Variants in PPP4R1 observed in about 807,000 individuals in gnomAD.
PPP4R1 encodes serine/threonine-protein phosphatase 4 regulatory subunit 1.
Under a neutral mutation model 111.2 loss-of-function variants are expected in PPP4R1, and 42 were observed. The ratio of observed to expected loss-of-function variants is 0.38; its 90% CI spans 0.29 to 0.49. The LOEUF is 0.49. Ranked by LOEUF, PPP4R1 falls within the 20% of genes least tolerant of loss-of-function variation. The probability of loss-of-function intolerance (pLI) is 0.97; values close to 1 mark genes in which losing one functional copy is unlikely to be tolerated. For synonymous variants in PPP4R1, 409 were observed against 405.5 expected, an observed-to-expected ratio of 1.01 and a Z score of -0.10; for missense variants, 1,012 against 1,161.6, an observed-to-expected ratio of 0.87 and a Z score of 1.87.
At chr18:9,564,161 C>T (rs1321466807) in intron 11 of PPP4R1, among the ~76,000 whole-genome samples, 1 of 152,202 alleles carries the variant, frequency 6.6e-6, no homozygotes, top group Non-Finnish European at 1.5e-5. Flanking sequence ...AATCTGGCAA[C>T]TAGCATTGCC....
In PPP4R1 at chr18:9,588,236, C is replaced by G; in HGVS notation, c.439-1G>C. On this transcript the variant is annotated splice_acceptor_variant, in intron 5 of 19. Transcript: ENST00000400556. LOFTEE classifies it high-confidence loss of function. ...AAGCTGCCTGACTTGTTTTCCTCAC[C>G]TAGGAGAAAAATAACAACACAAAGA... 1 of 1,611,992 alleles carries G rather than the reference C, an allele frequency of 6.2e-7. No individual in the cohort carries two copies. Among genetic ancestry groups the G allele is most frequent in the East Asian group, 2.2e-5 (1 of 44,862 alleles).
At position 9,595,146 on chromosome 18, in the gene PPP4R1, C is replaced by T. The variant is rs746130013; in HGVS notation, c.60G>A (p.Val20=). ...CATCAGACTCTGAGCTGTAGTCATC[C>T]ACACCAACTATCAGAGACATCAGAA... ...DLQEDADGFG[V]DDYSSESDVI... is the part of the protein sequence containing the mutation. The change falls in exon 3 of 20, where the codon GTG becomes GTA. Residue 20 remains valine, a synonymous_variant. Coordinates refer to ENST00000400556, the MANE Select transcript of PPP4R1 (RefSeq NM_001042388.3). 26 of 1,613,490 alleles carry T rather than the reference C, an allele frequency of 1.6e-5. No individual in the cohort carries two copies. Among genetic ancestry groups the T allele is most frequent in the Non-Finnish European group, 2.2e-5 (26 of 1,179,732 alleles).
In PPP4R1 at chr18:9,577,207, G is replaced by T; in HGVS notation, c.919-16C>A. The T allele has an allele frequency of 6.3e-7, 1 of 1,590,720 alleles. No homozygotes were observed. Among genetic ancestry groups the T allele is most frequent in the South Asian group, 1.2e-5 (1 of 86,502 alleles). On this transcript the variant is annotated splice_polypyrimidine_tract_variant and intron_variant, in intron 9 of 19. Transcript: ENST00000400556. Reference sequence around the variant, plus strand: ...CTTGGCGAACCTAGGAAGATAAAAAGGACAATAATAAAGGAATCATTTTGA... The same window carrying T: ...CTTGGCGAACCTAGGAAGATAAAAATGACAATAATAAAGGAATCATTTTGA...
chr18:9,583,377 T>C (rs2067063470), intron 8 of PPP4R1, 102 bp from the exon 9 acceptor site: 1 of 1,229,648 alleles, frequency 8.1e-7, no homozygotes, highest in Non-Finnish European at 1.1e-6. Flanking sequence ...TGTTTGTTTG[T>C]TTGTTTTGAG....
intron 11 of PPP4R1, among the ~76,000 whole-genome samples, chr18:9,566,762 G>A (rs1284660874): frequency 6.6e-6 from 1 of 152,050 alleles, no homozygotes; most frequent in Middle Eastern, 3.2e-3. Context: ...TACTCTGCCT[G>A]TGCTCTGTCA....
chr18:9,602,402 C>T (rs888613763), intron 2 of PPP4R1, among the ~76,000 whole-genome samples: 36 of 141,804 alleles, frequency 2.5e-4, no homozygotes, highest in African/African-American at 7.1e-4. Context: ...AAAAATTAGC[C>T]GGGCGTGGTG....
At chr18:9,586,109 T>C (rs1163784112) in intron 6 of PPP4R1, among the ~76,000 whole-genome samples, 1 of 151,930 alleles carries the variant, frequency 6.6e-6, no homozygotes, top group Non-Finnish European at 1.5e-5. Context: ...CTAAATTTAT[T>C]TAAAAATGAA....
At position 9,557,359 on chromosome 18, in the gene PPP4R1, T is replaced by A; in HGVS notation, c.2052A>T (p.Ala684=). 1 of 1,602,926 alleles carries A rather than the reference T, an allele frequency of 6.2e-7. No homozygotes were observed. Among genetic ancestry groups the A allele is most frequent in the Non-Finnish European group, 8.5e-7 (1 of 1,177,358 alleles). ...TAACTGCAAGCTCGTGGATGGAGAA[T>A]GCTAGAGTTCGTCGAACTTTCCACT... ...DMQWKVRRTL[A]FSIHELAVIL... The change falls in exon 15 of 20, where the codon GCA becomes GCT. Residue 684 remains alanine (A), a synonymous_variant. Coordinates refer to ENST00000400556, the MANE Select transcript of PPP4R1 (RefSeq NM_001042388.3).
intron 15 of PPP4R1, among the ~76,000 whole-genome samples, chr18:9,553,929 A>C (rs181307732): frequency 1.6e-4 from 25 of 152,378 alleles, no homozygotes; most frequent in African/African-American, 5.3e-4. Flanking sequence ...ACTGTGCATC[A>C]GATGGAAAAC....
intron 11 of PPP4R1, among the ~76,000 whole-genome samples, chr18:9,566,113 G>A (rs1331112514): frequency 1.3e-5 from 2 of 151,860 alleles, no homozygotes; most frequent in African/African-American, 2.4e-5. Flanking sequence ...GTTTCACCAT[G>A]TTGGCCAGGC....
chr18:9,595,273 C>G, intron 2 of PPP4R1, 120 bp from the exon 3 acceptor site: 1 of 1,057,848 alleles, frequency 9.5e-7, no homozygotes, highest in Non-Finnish European at 1.3e-6. Context: ...ACAAGAGACT[C>G]TCAGAATCAA....
chr18:9,548,465 C>T (rs1464049970), intron 19 of PPP4R1, among the ~76,000 whole-genome samples: 2 of 152,032 alleles, frequency 1.3e-5, no homozygotes, highest in African/African-American at 4.8e-5. Flanking sequence ...ATTATAATTT[C>T]CAACAAAACA....
chr18:9,609,471 G>A (rs985774423), intron 2 of PPP4R1, among the ~76,000 whole-genome samples: 13 of 152,164 alleles, frequency 8.5e-5, no homozygotes, highest in African/African-American at 2.2e-4. Flanking sequence ...CGGTCTAGGC[G>A]GTTACCCTCA....
chr18:9,611,122 T>C (rs2067572226), intron 2 of PPP4R1, among the ~76,000 whole-genome samples: 1 of 152,166 alleles, frequency 6.6e-6, no homozygotes, highest in Admixed American at 6.5e-5. Context: ...CAACAGAACT[T>C]ACTGTCTCTT....
At chr18:9,616,389 G>A (rs1357078418), upstream of PPP4R1, among the ~76,000 whole-genome samples, 1 of 151,932 alleles carries the variant, frequency 6.6e-6, no homozygotes, top group Non-Finnish European at 1.5e-5. Flanking sequence ...TCCCATCTCA[G>A]CCTCCCAAGT....
In PPP4R1 at chr18:9,570,342, A is replaced by C. The variant is rs771344114; in HGVS notation, c.1388T>G (p.Leu463Arg). ...YNSFHFWRTPLPEIDLDIELE... is the reference protein window; with the variant it reads ...YNSFHFWRTPRPEIDLDIELE... ...CTCTATGTCTAGATCTATTTCAGGA[A>C]GAGGAGTCCTCCAGAAATGGAAGGA... The change falls in exon 11 of 20, where the codon CTT (leucine) becomes CGT (arginine). Residue 463 changes from leucine to arginine, a missense_variant. Leu to Arg is a moderately radical substitution (Grantham distance 102). Coordinates refer to ENST00000400556, the MANE Select transcript of PPP4R1 (RefSeq NM_001042388.3). 22 of 1,611,256 alleles carry C rather than the reference A, an allele frequency of 1.4e-5. No homozygotes were observed. Among genetic ancestry groups the C allele is most frequent in the Non-Finnish European group, 1.8e-5 (21 of 1,178,864 alleles).
At chr18:9,603,786 A>G (rs796808677) in intron 2 of PPP4R1, among the ~76,000 whole-genome samples, 11 of 152,310 alleles carry the variant, frequency 7.2e-5, no homozygotes, top group African/African-American at 2.6e-4. Context: ...TGCCTGACAT[A>G]AAATTTAAAT....
intron 9 of PPP4R1, among the ~76,000 whole-genome samples, chr18:9,578,134 G>C (rs2145159601): frequency 1.3e-5 from 2 of 152,246 alleles, no homozygotes; most frequent in Middle Eastern, 6.8e-3. Context: ...AAAATGAGAG[G>C]TTTTATGGAA....
chr18:9,613,715 G>A (rs1448305058), intron 2 of PPP4R1: 2 of 152,308 alleles, frequency 1.3e-5, no homozygotes, highest in African/African-American at 4.8e-5. Flanking sequence ...TGACAGGTAT[G>A]TCATCCTCAA....
Sources: allele counts gnomAD v4.1 joint callset (sites outside exome capture counted in the v4.1 genomes callset), GRCh38; gene constraint gnomAD v4.1.1; transcripts MANE v1.5; gene names NCBI Gene and HGNC (gene_info 2026-07-23, HGNC 2026-07-21).